The following DDB2 variants were observed in gnomAD, a reference collection of about 807,000 sequenced individuals.
DDB2 encodes damage specific DNA binding protein 2, also known as DNA damage-binding protein 2.
A neutral mutation model predicts 50.5 loss-of-function variants in DDB2; 27 were observed. The observed-to-expected ratio is 0.53, with a 90% CI of 0.39 to 0.74. The LOEUF is 0.74. DDB2 is among the 30% of genes least tolerant of loss of function. DDB2 has a pLI of 0.00. For synonymous variants in DDB2, 176 were observed against 205.5 expected, an observed-to-expected ratio of 0.86 and a Z score of 1.23; for missense variants, 424 against 545.6, an observed-to-expected ratio of 0.78 and a Z score of 2.22.
rs4647749 is a variant in DDB2 at position 47,234,438 on chromosome 11, C to T, written c.603-135C>T. 2.4e-3 allele frequency: 1,874 copies of T among 781,262 alleles called. 19 individuals are homozygous for T. In the African/African-American group the frequency reaches 0.028, roughly 12 times the overall value. 48.4% of individuals were successfully genotyped at this position (781,262 alleles called of 1,614,324 possible). A position where few individuals can be genotyped will look rare whatever the true frequency, so the allele number is the denominator to read the frequency against. ...CTGAATGTTCCTCACTAGGAATCCA[C>T]GGCAAGACAGTTATTCATTCATTCA... On this transcript the variant is annotated intron_variant, in intron 4 of 9. Transcript: ENST00000256996.
chr11:47,223,418 G>A (rs1414889660), intron 3 of DDB2, among the ~76,000 whole-genome samples: 5 of 152,248 alleles, frequency 3.3e-5, no homozygotes. Flanking sequence ...GGGAGGCAGA[G>A]GTTGCAGTGA....
At chr11:47,228,969 A>AAG (rs1953601752) in intron 3 of DDB2, among the ~76,000 whole-genome samples, 2 of 47,382 alleles carry the variant, frequency 4.2e-5, no homozygotes, top group South Asian at 7.0e-4. Context: ...AAAAAAAAAA[A>AAG]AAAAGAAATA....
intron 3 of DDB2, among the ~76,000 whole-genome samples, chr11:47,227,228 T>G (rs900836263): frequency 3.5e-5 from 5 of 143,102 alleles, no homozygotes; most frequent in Non-Finnish European, 7.5e-5. Flanking sequence ...TGCTTCAGCC[T>G]CCTGAGTAGC....
At position 47,235,283 on chromosome 11, in the gene DDB2, C is replaced by G. The variant is rs137958929; in HGVS notation, c.894C>G (p.Pro298=). 1 of 1,614,094 alleles carries G rather than the reference C, an allele frequency of 6.2e-7. No homozygotes were observed. The highest frequency in any genetic ancestry group is 1.7e-5 in the Admixed American group (1 of 60,006). The stretch of plus-strand genomic sequence containing the variant: ...TCACTTTGCCAGCTTGTTTCAGTCC[C>G]GATGGAGCCCGGCTCCTGACCACGG... ...RHPVNAACFS[P]DGARLLTTDQ... The change falls in exon 7 of 10, where the codon CCC becomes CCG. Residue 298 remains proline (P), a synonymous_variant. Coordinates refer to ENST00000256996, the MANE Select transcript of DDB2 (RefSeq NM_000107.3).
intron 3 of DDB2, among the ~76,000 whole-genome samples, chr11:47,224,800 C>T (rs1338606122): frequency 7.4e-6 from 1 of 134,584 alleles, no homozygotes. Flanking sequence ...TCTTCTCTTT[C>T]TTGCCTGTGC....
In DDB2 at chr11:47,216,446, A is replaced by G; in HGVS notation, c.238A>G (p.Arg80Gly). 1 of 1,613,756 alleles carries G rather than the reference A, an allele frequency of 6.2e-7. No homozygotes were observed. Among genetic ancestry groups the G allele is most frequent in the South Asian group, 1.1e-5 (1 of 91,050 alleles). The change falls in exon 2 of 10, where the codon AGA becomes GGA. Residue 80 changes from arginine (R) to glycine (G), a missense_variant. Coordinates refer to ENST00000256996, the MANE Select transcript of DDB2 (RefSeq NM_000107.3). ...VRTLHQHKLG[R>G]ASWPSVQQGL... ...GACCCTCCACCAGCATAAGCTGGGC[A>G]GAGCTTCCTGGCCATCTGTCCAGCA...
chr11:47,231,303 C>A lies in DDB2; in HGVS notation c.457-1511C>A, dbSNP rs144530280. On this transcript the variant is annotated intron_variant, in intron 3 of 9. Coordinates refer to ENST00000256996, the MANE Select transcript of DDB2 (RefSeq NM_000107.3). The stretch of plus-strand genomic sequence containing the variant: ...AGATCTGACTCCTGCCCTCCTAACT[C>A]AGCCACTGCTCTGAGCTGAAGCTCT... Among the ~76,000 whole-genome samples, 48 of 152,198 alleles carry A rather than the reference C, an allele frequency of 3.2e-4. 1 individual carries two copies. The highest frequency in any genetic ancestry group is 6.8e-3 in the Middle Eastern group (2 of 294).
intron 3 of DDB2, among the ~76,000 whole-genome samples, chr11:47,230,556 G>A (rs4647728): frequency 0.028 from 4,267 of 152,238 alleles, 107 homozygotes; most frequent in Middle Eastern, 0.051. Flanking sequence ...GGTTTGGTAA[G>A]CATAGAACTC....
chr11:47,221,956 A>G (rs1953491376), intron 3 of DDB2, among the ~76,000 whole-genome samples: 1 of 152,216 alleles, frequency 6.6e-6, no homozygotes, highest in Non-Finnish European at 1.5e-5. Flanking sequence ...CAATTTGGCT[A>G]TTCTCAGCCT....
At chr11:47,238,428 C>T (rs1327423865) in intron 9 of DDB2, among the ~76,000 whole-genome samples, 5 of 151,852 alleles carry the variant, frequency 3.3e-5, no homozygotes, top group Admixed American at 2.0e-4. Context: ...GACGGAGTCT[C>T]GCTCTGTCCC....
intron 6 of DDB2, 164 bp downstream of exon 6, chr11:47,235,098 C>T: frequency 1.6e-6 from 2 of 1,271,684 alleles, no homozygotes; most frequent in African/African-American, 1.5e-5. Flanking sequence ...CCATCAGCTG[C>T]TGAGTTTCCA....
intron 4 of DDB2, among the ~76,000 whole-genome samples, chr11:47,233,752 T>TACTCG (rs1176548697): frequency 6.6e-6 from 1 of 151,966 alleles, no homozygotes; most frequent in Non-Finnish European, 1.5e-5. Context: ...TCACTTTGAT[T>TACTCG]TCCAGCTAGA....
rs750238940 is a variant in DDB2 at position 47,235,298 on chromosome 11, C to G, written c.909C>G (p.Leu303=). The G allele has an allele frequency of 5.6e-6, 9 of 1,614,120 alleles. No homozygotes were observed. Among genetic ancestry groups the G allele is most frequent in the Non-Finnish European group, 6.8e-6 (8 of 1,180,054 alleles). The part of the protein sequence containing the change: ...AACFSPDGAR[L]LTTDQKSEIR... ...GTTTCAGTCCCGATGGAGCCCGGCT[C>G]CTGACCACGGACCAGAAGAGCGAGA... The change falls in exon 7 of 10, where the codon CTC becomes CTG. Residue 303 remains leucine (L), a synonymous_variant. Transcript: ENST00000256996.
At position 47,234,902 on chromosome 11, in the gene DDB2, A is replaced by G; in HGVS notation, c.848A>G (p.Tyr283Cys). ...GTTAGAGGGAAAGCCAGCTTCCTCT[A>G]CTCGCTGCCGCACAGGCATCCTGTC... Reference protein sequence around the residue: ...RQVRGKASFLYSLPHRHPVNA... With the variant: ...RQVRGKASFLCSLPHRHPVNA... Residue 283 changes from tyrosine (Y) to cysteine (C), a missense_variant, in exon 6 of 10, where the codon TAC (tyrosine) becomes TGC (cysteine). Coordinates refer to ENST00000256996, the MANE Select transcript of DDB2 (RefSeq NM_000107.3). The G allele has an allele frequency of 1.9e-6, 3 of 1,614,110 alleles. No homozygotes were observed. Among genetic ancestry groups the G allele is most frequent in the East Asian group, 2.2e-5 (1 of 44,880 alleles).
At chr11:47,217,855 C>T (rs1953424202) in intron 3 of DDB2, among the ~76,000 whole-genome samples, 1 of 152,152 alleles carries the variant, frequency 6.6e-6, no homozygotes, top group Non-Finnish European at 1.5e-5. Flanking sequence ...CACGCCACTG[C>T]ACTCCAGCCT....
At chr11:47,217,328 A>G in intron 3 of DDB2, 3 of 331,968 alleles carry the variant, frequency 9.0e-6, no homozygotes, top group Non-Finnish European at 1.8e-5. Flanking sequence ...GTGAGCCAAG[A>G]TTGCACCATT....
intron 1 of DDB2, 173 bp from the exon 2 acceptor site, chr11:47,216,163 A>G: frequency 2.1e-6 from 2 of 965,450 alleles, no homozygotes; most frequent in Non-Finnish European, 3.3e-6. Flanking sequence ...CCAAATCCTC[A>G]CTCATTTTTT....
At chr11:47,225,445 A>G (rs376454200) in intron 3 of DDB2, among the ~76,000 whole-genome samples, 42 of 151,846 alleles carry the variant, frequency 2.8e-4, no homozygotes, top group African/African-American at 9.6e-4. Flanking sequence ...ACAAAAAATT[A>G]GCTGGGCATG....
chr11:47,230,581 G>A (rs867613086), intron 3 of DDB2, among the ~76,000 whole-genome samples: 23 of 152,262 alleles, frequency 1.5e-4, no homozygotes, highest in African/African-American at 5.1e-4. Context: ...GGAGGGAGCC[G>A]AAGATTGTCA....
Sources: allele counts gnomAD v4.1 joint callset (sites outside exome capture counted in the v4.1 genomes callset), GRCh38; gene constraint gnomAD v4.1.1; transcripts MANE v1.5; gene names NCBI Gene and HGNC (gene_info 2026-07-23, HGNC 2026-07-21).